Variants in ADARB1 observed in about 807,000 individuals in gnomAD.
ADARB1 encodes adenosine deaminase RNA specific B1.
In ADARB1, 10 loss-of-function variants were observed where a neutral mutation model predicts 52.4. That is an observed-to-expected ratio of 0.19 (90% CI 0.12 to 0.32). The LOEUF (loss-of-function observed/expected upper bound fraction) is 0.32. Ranked by LOEUF, ADARB1 falls within the 10% of genes least tolerant of loss-of-function variation. ADARB1 has a pLI of 1.00. For missense variants in ADARB1, 643 were observed against 922.3 expected, an observed-to-expected ratio of 0.70 and a Z score of 3.92; for synonymous variants, 349 against 371.1, an observed-to-expected ratio of 0.94 and a Z score of 0.68.
intron 1 of ADARB1, among the ~76,000 whole-genome samples, chr21:45,120,366 G>A (rs141092483): frequency 1.1e-3 from 166 of 152,244 alleles, no homozygotes; most frequent in Non-Finnish European, 1.5e-3. Context: ...GCATATGAAC[G>A]CATCATTTCA....
chr21:45,117,208 C>T (rs1052230640), intron 1 of ADARB1, among the ~76,000 whole-genome samples: 2 of 152,224 alleles, frequency 1.3e-5, no homozygotes, highest in African/African-American at 4.8e-5. Flanking sequence ...CAGCCTCCTT[C>T]TCCAGGGAGA....
chr21:45,165,569 GA>G (rs2091220069), intron 2 of ADARB1, among the ~76,000 whole-genome samples: 1 of 152,198 alleles, frequency 6.6e-6, no homozygotes, highest in Admixed American at 6.5e-5. Flanking sequence ...ACACTTCAGT[GA>G]TATTGTTTGG....
chr21:45,214,156 C>G (rs2092819961), intron 9 of ADARB1, among the ~76,000 whole-genome samples: 2 of 152,208 alleles, frequency 1.3e-5, no homozygotes, highest in Admixed American at 6.5e-5. Flanking sequence ...AATGCCCTTT[C>G]ACATGCTGAT....
In ADARB1 at chr21:45,086,244, A is replaced by G. The variant is rs1309753339; in HGVS notation, c.-220+11451A>G. ...GAAACAATGCAAATTGCAAGTTATGATCAAATAATGCTTTGAGTCTTCACC... is the reference window on the plus strand; with the variant it reads ...GAAACAATGCAAATTGCAAGTTATGGTCAAATAATGCTTTGAGTCTTCACC... On this transcript the variant is annotated intron_variant, in intron 1 of 10. Transcript: ENST00000348831. 3.9e-5 allele frequency among the ~76,000 whole-genome samples: 6 copies of G among 152,206 alleles called. No homozygotes were observed. In the East Asian group the frequency reaches 1.2e-3, roughly 29 times the overall value.
intron 2 of ADARB1, among the ~76,000 whole-genome samples, chr21:45,148,288 G>T (rs2090111703): frequency 6.6e-6 from 1 of 152,212 alleles, no homozygotes; most frequent in Non-Finnish European, 1.5e-5. Context: ...AGGAATTAAG[G>T]TGGAGTCACA....
intron 2 of ADARB1, among the ~76,000 whole-genome samples, chr21:45,136,432 G>C (rs1449535049): frequency 6.6e-6 from 1 of 152,222 alleles, no homozygotes; most frequent in Non-Finnish European, 1.5e-5. Flanking sequence ...AACGTCAAGT[G>C]GTGCAGACAA....
intron 2 of ADARB1, among the ~76,000 whole-genome samples, chr21:45,166,899 A>G (rs1601723661): frequency 6.6e-6 from 1 of 151,700 alleles, no homozygotes; most frequent in East Asian, 1.9e-4. Context: ...TTAATTGACC[A>G]TTCTTGGAAT....
At chr21:45,174,967 TACAC>T (rs1258265282) in intron 3 of ADARB1, among the ~76,000 whole-genome samples, 3 of 152,182 alleles carry the variant, frequency 2.0e-5, no homozygotes, top group Non-Finnish European at 2.9e-5. Flanking sequence ...GTCTTGTTCT[TACAC>T]ACTTTTCCTA....
intron 2 of ADARB1, among the ~76,000 whole-genome samples, chr21:45,147,399 GA>G (rs1203611304): frequency 6.6e-6 from 1 of 152,182 alleles, no homozygotes; most frequent in East Asian, 1.9e-4. Context: ...CTCTGTTGGG[GA>G]TACACTGTGC....
chr21:45,089,443 A>C (rs1253448797), intron 1 of ADARB1, among the ~76,000 whole-genome samples: 1 of 151,780 alleles, frequency 6.6e-6, no homozygotes, highest in Non-Finnish European at 1.5e-5. Flanking sequence ...TGGTCTTTGG[A>C]TTTGGTCGAT....
chr21:45,178,581 C>T (rs1464036737), intron 4 of ADARB1, among the ~76,000 whole-genome samples: 2 of 152,120 alleles, frequency 1.3e-5, no homozygotes, highest in Non-Finnish European at 2.9e-5. Flanking sequence ...TGTTGGTGGG[C>T]TCTATTGTCC....
At chr21:45,119,466 T>C (rs2088025011) in intron 1 of ADARB1, among the ~76,000 whole-genome samples, 1 of 152,212 alleles carries the variant, frequency 6.6e-6, no homozygotes, top group African/African-American at 2.4e-5. Context: ...CCAGTGGAAA[T>C]ATCACTCAAC....
intron 4 of ADARB1, among the ~76,000 whole-genome samples, chr21:45,179,707 A>T (rs1191650525): frequency 6.6e-6 from 1 of 150,942 alleles, no homozygotes; most frequent in Admixed American, 6.6e-5. Context: ...GAGTGAGCGG[A>T]GTCAGAGTGC....
Position 45,180,462 on chromosome 21 carries a change from G to C in ADARB1, c.1078+18G>C, listed in dbSNP as rs375122050. The C allele has an allele frequency of 6.3e-7, 1 of 1,585,962 alleles. No homozygotes were observed. Among genetic ancestry groups the C allele is most frequent in the Non-Finnish European group, 8.7e-7 (1 of 1,155,684 alleles). Reference sequence around the variant, plus strand: ...GACAACAGGTAACCATCTTGGTGTTGTATGTAACCCTGCCTGTTTTCATGT... The same window carrying C: ...GACAACAGGTAACCATCTTGGTGTTCTATGTAACCCTGCCTGTTTTCATGT... On this transcript the variant is annotated intron_variant, in intron 5 of 10. Transcript: ENST00000348831.
At chr21:45,198,723 GT>G (rs1345402807) in intron 8 of ADARB1, among the ~76,000 whole-genome samples, 1 of 152,136 alleles carries the variant, frequency 6.6e-6, no homozygotes, top group East Asian at 1.9e-4. Context: ...TAACTCAAAG[GT>G]TACTACAACC....
intron 2 of ADARB1, among the ~76,000 whole-genome samples, chr21:45,163,452 T>C (rs1196339394): frequency 1.3e-5 from 2 of 152,070 alleles, no homozygotes; most frequent in South Asian, 2.1e-4. Context: ...CAGGGCCTGG[T>C]GGGAAAAGCA....
At chr21:45,186,525 C>A (rs1245468097) in intron 8 of ADARB1, among the ~76,000 whole-genome samples, 1 of 152,172 alleles carries the variant, frequency 6.6e-6, no homozygotes, top group African/African-American at 2.4e-5. Flanking sequence ...ACACTTACAC[C>A]AATAGTGCAT....
Position 45,175,837 on chromosome 21 carries a change from G to C in ADARB1, c.136G>C (p.Gly46Arg), listed in dbSNP as rs773097471. 6.2e-7 allele frequency: 1 copy of C among 1,614,118 alleles called. No individual in the cohort carries two copies. The highest frequency in any genetic ancestry group is 1.3e-5 in the African/African-American group (1 of 75,054). The part of the protein sequence containing the change: ...GEGSQLSNGG[G>R]GGPGRKRPLE... ...GGGCTCTCAGCTCTCCAATGGGGGT[G>C]GTGGTGGCCCCGGCAGAAAGCGGCC... The change falls in exon 4 of 11, where the codon GGT becomes CGT. Residue 46 changes from glycine (G) to arginine (R), a missense_variant. Gly to Arg is a moderately radical substitution (Grantham distance 125, BLOSUM62 -2). Coordinates refer to ENST00000348831, the MANE Select transcript of ADARB1 (RefSeq NM_001112.4).
At chr21:45,210,267 C>T (rs1397012812) in intron 9 of ADARB1, among the ~76,000 whole-genome samples, 1 of 152,176 alleles carries the variant, frequency 6.6e-6, no homozygotes, top group Non-Finnish European at 1.5e-5. Flanking sequence ...GAATTGAGCT[C>T]CCCTGACTGG....
Sources: gnomAD v4.1 joint callset for allele counts (sites outside exome capture counted in the v4.1 genomes callset) on GRCh38, gnomAD v4.1.1 for gene constraint, MANE v1.5 for transcripts, NCBI Gene and HGNC (gene_info 2026-07-23, HGNC 2026-07-21) for gene names.